TARBP1: variants seen among roughly 807,000 people sequenced by gnomAD.
The protein encoded by TARBP1 is tRNA guanosine 2 -O-methyltransferase TARBP1, also known as tRNA (guanosine(18)-2'-O)-methyltransferase TARBP1.
Under a neutral mutation model 178.6 loss-of-function variants are expected in TARBP1, and 144 were observed. The ratio of observed to expected loss-of-function variants is 0.81; its 90% confidence interval spans 0.70 to 0.93. The LOEUF (loss-of-function observed/expected upper bound fraction) is 0.93. TARBP1 is among the 40% of genes least tolerant of loss of function. TARBP1 has a pLI of 0.00. For missense variants in TARBP1, 2,067 were observed against 2,011.7 expected (o/e 1.03, Z -0.53); for synonymous variants, 787 against 781.0 (o/e 1.01, Z -0.13).
At chr1:234,406,556 C>T (rs1226557634) in intron 23 of TARBP1, 1 of 169,000 alleles carries the variant, frequency 5.9e-6, no homozygotes, top group Non-Finnish European at 1.3e-5. Context: ...TGTCCTCCTC[C>T]TCACTACTGA....
chr1:234,444,613 T>G lies in TARBP1; in HGVS notation c.2134+2190A>C, dbSNP rs1282987447. On this transcript the variant is annotated intron_variant, in intron 12 of 29. Transcript: ENST00000040877. ...ACTGCCTCAGAGCACTCACAAAGCCTCTTTCCCAGACAGATGCTTATACCC... is the reference window on the plus strand; with the variant it reads ...ACTGCCTCAGAGCACTCACAAAGCCGCTTTCCCAGACAGATGCTTATACCC... Among the ~76,000 whole-genome samples, 3 of 152,052 alleles carry G rather than the reference T, an allele frequency of 2.0e-5. No individual in the cohort carries two copies. In the East Asian group the frequency reaches 5.8e-4, roughly 29 times the overall value.
chr1:234,437,251 A>G (rs1023657275), intron 13 of TARBP1, 24 bp downstream of exon 13: 9 of 1,197,048 alleles, frequency 7.5e-6, no homozygotes, highest in South Asian at 1.6e-5. Flanking sequence ...AATGAAAAAG[A>G]AAGTTATTCC....
Position 234,420,691 on chromosome 1 carries a change from A to C in TARBP1, c.3555+11T>G, listed in dbSNP as rs547201628. The C allele has an allele frequency of 1.3e-6, 2 of 1,566,390 alleles. No individual in the cohort carries two copies. Among genetic ancestry groups the C allele is most frequent in the South Asian group, 2.3e-5 (2 of 86,444 alleles). ...TGCTTCAAAGGTACAAATATAATAAAAATATGATACCTGGTCAAGTCTAGG... is the reference window on the plus strand; with the variant it reads ...TGCTTCAAAGGTACAAATATAATAACAATATGATACCTGGTCAAGTCTAGG... On this transcript the variant is annotated intron_variant, in intron 21 of 29. Coordinates refer to ENST00000040877, the MANE Select transcript of TARBP1 (RefSeq NM_005646.4).
chr1:234,401,333 T>C, intron 24 of TARBP1, 71 bp from the exon 25 acceptor site: 1 of 1,185,496 alleles, frequency 8.4e-7, no homozygotes, highest in Non-Finnish European at 1.2e-6. Flanking sequence ...ATCAATTCAG[T>C]ATCTTAAAGG....
At chr1:234,471,386 A>T in intron 2 of TARBP1, 129 bp from the exon 3 acceptor site, 1 of 651,228 alleles carries the variant, frequency 1.5e-6, no homozygotes, top group Non-Finnish European at 2.7e-6. Flanking sequence ...AGCCTGATTT[A>T]TCCAGTTTTT....
At chr1:234,405,858 T>A (rs1352944269) in intron 24 of TARBP1, 45 bp downstream of exon 24, 2 of 1,567,638 alleles carry the variant, frequency 1.3e-6, no homozygotes, top group Non-Finnish European at 1.7e-6. Context: ...CTGTGGGCCC[T>A]GCTGGAGGAG....
intron 9 of TARBP1, among the ~76,000 whole-genome samples, chr1:234,450,931 C>G (rs1160284660): frequency 6.6e-6 from 1 of 152,058 alleles, no homozygotes; most frequent in Non-Finnish European, 1.5e-5. Context: ...GTAAAGATCT[C>G]TATAAAAAAT....
Position 234,392,648 on chromosome 1 carries a change from C to G in TARBP1, c.4561-96G>C, listed in dbSNP as rs1422832665. The G allele has an allele frequency of 2.8e-6, 3 of 1,088,480 alleles. No homozygotes were observed. The African/African-American group carries it at 4.8e-5, about 18-fold the overall frequency. The allele number at this position is 1,088,480 out of a possible 1,614,324, so 67.4% of individuals were successfully genotyped here. ...AAAACGTATTAACCTAAACTTAACT[C>G]TTTAAAAGAAAAAGGAGAGAATTAT... On this transcript the variant is annotated intron_variant, in intron 28 of 29. Coordinates refer to ENST00000040877, the MANE Select transcript of TARBP1 (RefSeq NM_005646.4).
chr1:234,476,388 G>T (rs1443393402), intron 1 of TARBP1, among the ~76,000 whole-genome samples: 3 of 152,196 alleles, frequency 2.0e-5, no homozygotes, highest in African/African-American at 7.2e-5. Flanking sequence ...AGACTCAACA[G>T]AACACCCAGG....
intron 3 of TARBP1, among the ~76,000 whole-genome samples, chr1:234,469,223 T>G (rs559871212): frequency 6.6e-6 from 1 of 151,902 alleles, no homozygotes; most frequent in African/African-American, 2.4e-5. Context: ...TAGAGATATT[T>G]TTCTAACTCT....
intron 12 of TARBP1, among the ~76,000 whole-genome samples, chr1:234,443,412 A>G (rs1665802349): frequency 6.6e-6 from 1 of 152,172 alleles, no homozygotes; most frequent in Non-Finnish European, 1.5e-5. Context: ...CACAGTCAAA[A>G]TCATGATGAA....
At chr1:234,404,953 T>C (rs1661060419) in intron 24 of TARBP1, among the ~76,000 whole-genome samples, 1 of 152,206 alleles carries the variant, frequency 6.6e-6, no homozygotes, top group African/African-American at 2.4e-5. Flanking sequence ...GAAAGGTACA[T>C]TGCGGGCCAG....
intron 9 of TARBP1, among the ~76,000 whole-genome samples, chr1:234,452,877 T>TAAA (rs34827804): frequency 7.0e-6 from 1 of 143,382 alleles, no homozygotes; most frequent in Non-Finnish European, 1.5e-5. Flanking sequence ...TAGTAAGCAC[T>TAAA]AAAAAAAAAA....
Position 234,450,797 on chromosome 1 carries a change from G to GAT in TARBP1, c.1723-233_1723-232dup, listed in dbSNP as rs747150168. Among the ~76,000 whole-genome samples, 403 of 150,184 alleles carry GAT rather than the reference G, an allele frequency of 2.7e-3. 1 individual carries two copies. The highest frequency in any genetic ancestry group is 3.7e-3 in the Non-Finnish European group (252 of 67,296). On this transcript the variant is annotated intron_variant, in intron 9 of 29. Transcript: ENST00000040877. Reference sequence around the variant, plus strand: ...ATGTATGTGTGATATATATATGTGAGATATATATATATATACACATATGTG... The same window carrying GAT: ...ATGTATGTGTGATATATATATGTGAGATATATATATATATATACACATATGTG...
chr1:234,468,223 C>A (rs184669525), intron 3 of TARBP1, among the ~76,000 whole-genome samples: 1 of 152,122 alleles, frequency 6.6e-6, no homozygotes, highest in Non-Finnish European at 1.5e-5. Context: ...GAGGCCGAGG[C>A]AGATGGATCA....
At chr1:234,413,351 G>A (rs1337399965) in intron 22 of TARBP1, among the ~76,000 whole-genome samples, 7 of 152,240 alleles carry the variant, frequency 4.6e-5, no homozygotes, top group African/African-American at 1.7e-4. Flanking sequence ...GCATGCACCT[G>A]TAATCCCAGC....
chr1:234,434,670 G>A (rs903848959), intron 13 of TARBP1, among the ~76,000 whole-genome samples: 2 of 152,172 alleles, frequency 1.3e-5, no homozygotes, highest in Non-Finnish European at 2.9e-5. Flanking sequence ...AGCTCAGAAG[G>A]GTGGTCTGAG....
In TARBP1 at chr1:234,429,623, A is replaced by T; in HGVS notation, c.2664T>A (p.Tyr888Ter). The T allele has an allele frequency of 6.2e-7, 1 of 1,612,408 alleles. No homozygotes were observed. Among genetic ancestry groups the T allele is most frequent in the Non-Finnish European group, 8.5e-7 (1 of 1,179,450 alleles). ...AGAGGCACACCCATTGATCATGAAT[A>T]TATTGTGCAACTATTTTTCCCCATC... ...SQGWGKIVAQ[Y>*]IHDQWVCLSF... Residue 888 changes from tyrosine (Y) to a stop codon, truncating the protein, a stop_gained, in exon 16 of 30, where the codon TAT becomes TAA. Coordinates refer to ENST00000040877, the MANE Select transcript of TARBP1 (RefSeq NM_005646.4). LOFTEE classifies it high-confidence loss of function.
chr1:234,447,466 C>T (rs1043703092), intron 11 of TARBP1, among the ~76,000 whole-genome samples: 2 of 139,442 alleles, frequency 1.4e-5, no homozygotes, highest in African/African-American at 5.4e-5. Flanking sequence ...GTGATCATAG[C>T]TCACTGTGGG....
Sources: allele counts gnomAD v4.1 joint callset (sites outside exome capture counted in the v4.1 genomes callset), GRCh38; gene constraint gnomAD v4.1.1; transcripts MANE v1.5; gene names NCBI Gene and HGNC (gene_info 2026-07-23, HGNC 2026-07-21).